KIF6: variants seen among roughly 807,000 people sequenced by gnomAD.
KIF6 encodes kinesin-like protein KIF6.
KIF6 carries 106 observed loss-of-function variants against 112.7 expected under a neutral mutation model. That is an observed-to-expected ratio of 0.94 (90% CI 0.80 to 1.11). KIF6 has a LOEUF of 1.11. Among genes scored for constraint, KIF6 ranks in the 50% least tolerant of loss-of-function variants. The pLI is 0.00. For synonymous variants in KIF6, 339 were observed against 339.9 expected (o/e 1.00, Z 0.03); for missense variants, 929 against 964.0 (o/e 0.96, Z 0.48).
At chr6:39,534,192 A>G (rs1164034247) in intron 13 of KIF6, among the ~76,000 whole-genome samples, 5 of 152,238 alleles carry the variant, frequency 3.3e-5, no homozygotes, top group Admixed American at 2.0e-4. Context: ...CTCACCAGCA[A>G]TGGAACAAAG....
chr6:39,600,506 T>A (rs1366327123), intron 6 of KIF6, among the ~76,000 whole-genome samples: 3 of 152,170 alleles, frequency 2.0e-5, no homozygotes, highest in Non-Finnish European at 4.4e-5. Context: ...AGTGATCTGT[T>A]CTTAGCAATG....
intron 5 of KIF6, among the ~76,000 whole-genome samples, chr6:39,630,236 T>C (rs1341433504): frequency 6.6e-6 from 1 of 152,082 alleles, no homozygotes; most frequent in Non-Finnish European, 1.5e-5. Flanking sequence ...AGGAATTTGC[T>C]TTAGATTAAA....
rs549703551 is a variant in KIF6 at position 39,440,679 on chromosome 6, C to T, written c.1646-9518G>A. 4.9e-4 allele frequency among the ~76,000 whole-genome samples: 75 copies of T among 151,922 alleles called. 2 individuals are homozygous for T. The South Asian group carries it at 0.011, about 23-fold the overall frequency. On this transcript the variant is annotated intron_variant, in intron 13 of 22. Transcript: ENST00000287152. ...GAGTGTGTGGAGAAGGTAGAATGAACGGGTTGATGGGAGGAAAAGGAAATA... is the reference window on the plus strand; with the variant it reads ...GAGTGTGTGGAGAAGGTAGAATGAATGGGTTGATGGGAGGAAAAGGAAATA...
At chr6:39,637,448 C>T (rs1424382829) in intron 4 of KIF6, among the ~76,000 whole-genome samples, 1 of 152,008 alleles carries the variant, frequency 6.6e-6, no homozygotes, top group African/African-American at 2.4e-5. Context: ...TTGAAACTCA[C>T]AATACCAAAA....
chr6:39,376,588 T>A (rs1231113379), intron 16 of KIF6, among the ~76,000 whole-genome samples: 1 of 152,180 alleles, frequency 6.6e-6, no homozygotes, highest in Non-Finnish European at 1.5e-5. Context: ...AATAAACACT[T>A]ATGGAGGACC....
intron 3 of KIF6, among the ~76,000 whole-genome samples, chr6:39,667,960 G>C (rs981866394): frequency 3.3e-5 from 5 of 152,152 alleles, no homozygotes; most frequent in African/African-American, 1.2e-4. Context: ...TGATGAGTGA[G>C]TTCTCGCTTT....
intron 13 of KIF6, among the ~76,000 whole-genome samples, chr6:39,531,534 T>G (rs1778059633): frequency 6.6e-6 from 1 of 152,092 alleles, no homozygotes; most frequent in South Asian, 2.1e-4. Context: ...TAAACAGAGC[T>G]CCTCCTCTAT....
chr6:39,471,421 T>A (rs1282876970), intron 13 of KIF6, among the ~76,000 whole-genome samples: 1 of 152,164 alleles, frequency 6.6e-6, no homozygotes, highest in Admixed American at 6.5e-5. Context: ...CCTACATGGA[T>A]CTTCTCTACT....
intron 13 of KIF6, among the ~76,000 whole-genome samples, chr6:39,486,549 T>G (rs1282061622): frequency 1.3e-5 from 2 of 152,234 alleles, no homozygotes; most frequent in Non-Finnish European, 2.9e-5. Flanking sequence ...TACCACCAAG[T>G]TTTGGAATAG....
intron 3 of KIF6, among the ~76,000 whole-genome samples, chr6:39,653,074 A>C (rs1196944363): frequency 1.3e-5 from 2 of 152,242 alleles, no homozygotes; most frequent in East Asian, 3.8e-4. Context: ...TAACGGTTTA[A>C]GTTATCTACA....
rs147389081 is a variant in KIF6 at position 39,685,535 on chromosome 6, C to T, written c.251+29157G>A. Among the ~76,000 whole-genome samples, 252 of 152,286 alleles carry T rather than the reference C, an allele frequency of 1.7e-3. 5 individuals are homozygous for T. Among genetic ancestry groups the T allele is most frequent in the Non-Finnish European group, 2.9e-4 (20 of 68,010 alleles). ...TGAGAAGGTGAACATACCAGAGAAG[C>T]GTATTAGGACTGTAAGTCTGCACTA... is the stretch of plus-strand genomic sequence containing the variant. On this transcript the variant is annotated intron_variant, in intron 3 of 22. Transcript: ENST00000287152.
In KIF6 at chr6:39,613,264, AGT is replaced by A; in HGVS notation, c.562_563del (p.Thr188SerfsTer62). On this transcript the variant is annotated frameshift_variant, in exon 6 of 23. Transcript: ENST00000287152. LOFTEE classifies it high-confidence loss of function. ...CTTCCTCTGTGGTTGCCTGATGGAG[AGT>A]CAAGTTTTTCAGGTGAATGTTCTGA... ...PDQNIHLKNL[T>X]LHQATTEEEA... The A allele has an allele frequency of 6.2e-7, 1 of 1,608,290 alleles. No homozygotes were observed. The highest frequency in any genetic ancestry group is 8.5e-7 in the Non-Finnish European group (1 of 1,177,210).
At chr6:39,717,650 G>A (rs1233656215) in intron 2 of KIF6, among the ~76,000 whole-genome samples, 1 of 151,956 alleles carries the variant, frequency 6.6e-6, no homozygotes, top group Non-Finnish European at 1.5e-5. Context: ...CCACTAAAAT[G>A]TAAGCTCCCT....
At chr6:39,590,451 A>ATTTTTTTTTT (rs58169713) in intron 7 of KIF6, among the ~76,000 whole-genome samples, 1 of 84,778 alleles carries the variant, frequency 1.2e-5, no homozygotes, top group African/African-American at 5.1e-5. Flanking sequence ...ATATATATAT[A>ATTTTTTTTTT]TTTTTTTTTT....
intron 3 of KIF6, among the ~76,000 whole-genome samples, chr6:39,683,906 T>C (rs1022424197): frequency 6.6e-6 from 1 of 151,294 alleles, no homozygotes; most frequent in Non-Finnish European, 1.5e-5. Flanking sequence ...GAGGCAGGGA[T>C]AGTAAGGATT....
chr6:39,512,907 A>G (rs954641011), intron 13 of KIF6, among the ~76,000 whole-genome samples: 2 of 152,142 alleles, frequency 1.3e-5, no homozygotes, highest in Non-Finnish European at 2.9e-5. Flanking sequence ...ACTTGGTACC[A>G]TGAGCCAGGC....
intron 2 of KIF6, among the ~76,000 whole-genome samples, chr6:39,718,227 C>T (rs777088138): frequency 1.9e-3 from 121 of 64,026 alleles, no homozygotes; most frequent in Admixed American, 4.4e-3. Flanking sequence ...GAGACTCCAT[C>T]TCAAAAAAAA....
intron 13 of KIF6, among the ~76,000 whole-genome samples, chr6:39,505,808 A>T (rs1333774533): frequency 6.6e-6 from 1 of 152,224 alleles, no homozygotes; most frequent in Admixed American, 6.5e-5. Context: ...AGGAGACACC[A>T]TCTTACACCA....
At chr6:39,461,835 G>A (rs932758102) in intron 13 of KIF6, among the ~76,000 whole-genome samples, 13 of 152,084 alleles carry the variant, frequency 8.5e-5, no homozygotes, top group African/African-American at 3.1e-4. Context: ...AAGTGTTTAT[G>A]TGTAATACAA....
Sources: allele counts gnomAD v4.1 joint callset (sites outside exome capture counted in the v4.1 genomes callset), GRCh38; gene constraint gnomAD v4.1.1; transcripts MANE v1.5; gene names NCBI Gene and HGNC (gene_info 2026-07-23, HGNC 2026-07-21).